The following LINGO2 variants were observed in gnomAD, a reference collection of about 807,000 sequenced individuals.
LINGO2 encodes the protein leucine rich repeat and Ig domain containing 2.
Under a neutral mutation model 30.6 loss-of-function variants are expected in LINGO2, and 14 were observed. The ratio of observed to expected loss-of-function variants is 0.46; its 90% CI spans 0.30 to 0.72. The LOEUF (loss-of-function observed/expected upper bound fraction) is 0.72, where lower values mean the gene tolerates loss of function less well. LINGO2 is among the 30% of genes least tolerant of loss of function. The pLI, the probability that LINGO2 is intolerant of heterozygous loss-of-function variation, is 0.07. For missense variants in LINGO2, 729 were observed against 751.7 expected (o/e 0.97, Z 0.35); for synonymous variants, 317 against 288.5 (o/e 1.10, Z -1.00).
At chr9:28,583,332 T>C (rs1824356729) in intron 1 of LINGO2, among the ~76,000 whole-genome samples, 1 of 151,974 alleles carries the variant, frequency 6.6e-6, no homozygotes, top group African/African-American at 2.4e-5. Flanking sequence ...CAAAATGAAA[T>C]TGATTGCAAA....
intron 1 of LINGO2, among the ~76,000 whole-genome samples, chr9:28,643,618 T>C (rs1406867307): frequency 2.0e-5 from 3 of 152,022 alleles, no homozygotes; most frequent in Admixed American, 6.6e-5. Flanking sequence ...AGGATATTGG[T>C]CTGGGCAAAC....
intron 1 of LINGO2, among the ~76,000 whole-genome samples, chr9:28,486,712 T>TAA (rs34793119): frequency 3.3e-5 from 5 of 151,550 alleles, no homozygotes; most frequent in Non-Finnish European, 7.4e-5. Context: ...TACTTCAATG[T>TAA]AAAAAAAATC....
intron 3 of LINGO2, among the ~76,000 whole-genome samples, chr9:28,298,186 G>C (rs1264146530): frequency 2.0e-5 from 3 of 151,954 alleles, no homozygotes; most frequent in Admixed American, 1.3e-4. Context: ...GAAAACAAAA[G>C]GTAGGCATAA....
At chr9:28,852,857 T>A in the LINGO2 span, among the ~76,000 whole-genome samples, 4 of 152,076 alleles carry the variant, frequency 2.6e-5, no homozygotes, top group African/African-American at 9.7e-5. Context: ...CTTCTCAGCC[T>A]AACAAGTAAA....
At chr9:28,809,331 T>G in the LINGO2 span, among the ~76,000 whole-genome samples, 1 of 152,232 alleles carries the variant, frequency 6.6e-6, no homozygotes, top group South Asian at 2.1e-4. Context: ...CTACAAATCA[T>G]GTCTCTTGCC....
rs935668947 is a variant in LINGO2 at position 28,147,574 on chromosome 9, G to C, written c.-86-135169C>G. Among the ~76,000 whole-genome samples, 1 of 152,244 alleles carries C rather than the reference G, an allele frequency of 6.6e-6. No individual in the cohort carries two copies. The highest frequency in any genetic ancestry group is 1.5e-5 in the Non-Finnish European group (1 of 67,996). ...GTCCTGTGCTCTGCTTCCAGGTTCT[G>C]GCCCTGTAACCCGGGGGACAGGGCC... On this transcript the variant is annotated intron_variant, in intron 4 of 5. Transcript: ENST00000379992. The surrounding 1 kb of genome is among the most constrained non-coding windows in gnomAD (Gnocchi z 4.7).
chr9:28,497,419 T>C (rs1819678168), intron 1 of LINGO2, among the ~76,000 whole-genome samples: 1 of 152,208 alleles, frequency 6.6e-6, no homozygotes, highest in African/African-American at 2.4e-5. Context: ...TGATCTTGAA[T>C]CACTGATACC....
At chr9:28,629,595 C>A (rs1325988220) in intron 1 of LINGO2, among the ~76,000 whole-genome samples, 1 of 151,890 alleles carries the variant, frequency 6.6e-6, no homozygotes, top group Admixed American at 6.6e-5. Context: ...AAATTAAATT[C>A]TATATCATTC....
At chr9:28,694,592 A>G in the LINGO2 span, among the ~76,000 whole-genome samples, 2 of 152,008 alleles carry the variant, frequency 1.3e-5, no homozygotes, top group East Asian at 1.9e-4. Context: ...CCCTACACCT[A>G]TGAGGTAGAT....
intron 5 of LINGO2, among the ~76,000 whole-genome samples, chr9:28,008,367 C>T (rs1480350766): frequency 6.6e-6 from 1 of 151,898 alleles, no homozygotes; most frequent in Non-Finnish European, 1.5e-5. Context: ...GTAAATACAA[C>T]CAGAAAGGTA....
At chr9:29,073,088 C>A in the LINGO2 span, among the ~76,000 whole-genome samples, 1 of 151,752 alleles carries the variant, frequency 6.6e-6, no homozygotes, top group South Asian at 2.1e-4. Context: ...AATTTATCTA[C>A]AATCTTGTAT....
the LINGO2 span, chr9:27,942,510 A>G: frequency 6.6e-6 from 1 of 152,156 alleles, no homozygotes; most frequent in Non-Finnish European, 1.5e-5. Context: ...TAAAAAAAAC[A>G]TGCCCACAAC....
intron 5 of LINGO2, among the ~76,000 whole-genome samples, chr9:27,973,957 A>G (rs1360005450): frequency 6.6e-6 from 1 of 152,192 alleles, no homozygotes; most frequent in African/African-American, 2.4e-5. Context: ...AAATATATTG[A>G]TTAACTCCAC....
intron 4 of LINGO2, among the ~76,000 whole-genome samples, chr9:28,161,898 CA>C (rs1033064781): frequency 1.1e-4 from 16 of 151,792 alleles, no homozygotes; most frequent in Non-Finnish European, 2.9e-5. Flanking sequence ...CACTGGCCAA[CA>C]AAAAACATTA....
intron 3 of LINGO2, among the ~76,000 whole-genome samples, chr9:28,335,180 A>G (rs1825550542): frequency 6.6e-6 from 1 of 152,154 alleles, no homozygotes; most frequent in Admixed American, 6.6e-5. Flanking sequence ...CTTAGGAGGG[A>G]GAGCTGGTGT....
chr9:28,582,662 T>A (rs1044824437), intron 1 of LINGO2, among the ~76,000 whole-genome samples: 1 of 152,058 alleles, frequency 6.6e-6, no homozygotes, highest in South Asian at 2.1e-4. Flanking sequence ...TGAAAATCCA[T>A]CAATTCTTGA....
At chr9:28,834,538 G>A in the LINGO2 span, among the ~76,000 whole-genome samples, 3 of 152,134 alleles carry the variant, frequency 2.0e-5, no homozygotes, top group Non-Finnish European at 2.9e-5. Context: ...GCATTTTGAA[G>A]AGTAAGGTAT....
chr9:28,383,053 C>T (rs1413458711), intron 2 of LINGO2, among the ~76,000 whole-genome samples: 1 of 151,974 alleles, frequency 6.6e-6, no homozygotes, highest in Non-Finnish European at 1.5e-5. Context: ...TTTTACTGTG[C>T]TAAGCCCAAT....
At chr9:28,609,239 T>C (rs371446848) in intron 1 of LINGO2, among the ~76,000 whole-genome samples, 11 of 151,760 alleles carry the variant, frequency 7.2e-5, no homozygotes, top group African/African-American at 2.7e-4. Context: ...GTTAGGTATG[T>C]CCTTTCTAGC....
Sources: gnomAD v4.1 joint callset for allele counts (sites outside exome capture counted in the v4.1 genomes callset) on GRCh38, gnomAD v4.1.1 for gene constraint, Gnocchi (gnomAD v3.1) non-coding constraint, MANE v1.5 for transcripts, NCBI Gene and HGNC (gene_info 2026-07-23, HGNC 2026-07-21) for gene names.